The following CLASP1 variants were observed in gnomAD, a reference collection of about 807,000 sequenced individuals.
The protein encoded by CLASP1 is CLIP-associating protein 1.
CLASP1 carries 38 observed loss-of-function variants against 192.3 expected under a neutral mutation model. The ratio of observed to expected loss-of-function variants is 0.20; its 90% CI spans 0.15 to 0.26. The LOEUF (loss-of-function observed/expected upper bound fraction) is 0.26. Among genes scored for constraint, CLASP1 ranks in the 10% least tolerant of loss-of-function variants. The pLI, the probability that CLASP1 is intolerant of heterozygous loss-of-function variation, is 1.00. For missense variants in CLASP1, 1,433 were observed against 1,932.5 expected (o/e 0.74, Z 4.85); for synonymous variants, 691 against 712.8 (o/e 0.97, Z 0.49).
At chr2:121,587,953 A>C (rs2061915838) in intron 2 of CLASP1, among the ~76,000 whole-genome samples, 1 of 151,960 alleles carries the variant, frequency 6.6e-6, no homozygotes, top group South Asian at 2.1e-4. Context: ...CGGGTGCATC[A>C]CCTGAAGTCA....
At chr2:121,643,125 T>C (rs1470889490) in intron 1 of CLASP1, among the ~76,000 whole-genome samples, 1 of 152,226 alleles carries the variant, frequency 6.6e-6, no homozygotes, top group East Asian at 1.9e-4. Flanking sequence ...TGCTATCAGA[T>C]GGCCACAAGG....
intron 1 of CLASP1, among the ~76,000 whole-genome samples, chr2:121,637,982 A>G (rs2071222016): frequency 6.6e-6 from 1 of 152,172 alleles, no homozygotes; most frequent in South Asian, 2.1e-4. Context: ...AGGAGATAAC[A>G]CAAGCAACAA....
At chr2:121,441,343 T>A (rs1455377502) in intron 19 of CLASP1, among the ~76,000 whole-genome samples, 1 of 152,196 alleles carries the variant, frequency 6.6e-6, no homozygotes, top group Non-Finnish European at 1.5e-5. Context: ...AAACCCAGCC[T>A]TTACTCATAC....
intron 24 of CLASP1, chr2:121,409,142 C>A (rs1296334962): frequency 6.8e-6 from 7 of 1,025,200 alleles, no homozygotes; most frequent in Non-Finnish European, 1.0e-5. Context: ...AAGTGTACAG[C>A]AAAACATATC....
intron 2 of CLASP1, among the ~76,000 whole-genome samples, chr2:121,549,729 G>A (rs538667722): frequency 1.8e-5 from 2 of 111,550 alleles, no homozygotes; most frequent in African/African-American, 1.1e-4. Flanking sequence ...AAAAAGGCCT[G>A]GCGTGGTGGC....
At chr2:121,516,131 C>T (rs1252925462) in intron 6 of CLASP1, among the ~76,000 whole-genome samples, 1 of 152,098 alleles carries the variant, frequency 6.6e-6, no homozygotes, top group Non-Finnish European at 1.5e-5. Context: ...ATGTAAAACA[C>T]TCTGGATTTA....
intron 24 of CLASP1, 30 bp from the exon 26 acceptor site, chr2:121,407,745 T>A: frequency 6.2e-7 from 1 of 1,613,370 alleles, no homozygotes; most frequent in Non-Finnish European, 8.5e-7. Flanking sequence ...ATGGGAGTGA[T>A]TGAGGAAGAA....
chr2:121,436,846 A>T (rs2082392054), intron 19 of CLASP1, among the ~76,000 whole-genome samples: 1 of 152,226 alleles, frequency 6.6e-6, no homozygotes, highest in African/African-American at 2.4e-5. Context: ...GTAACTTAAC[A>T]ACTCTGTCAT....
At chr2:121,546,761 T>G (rs527931872) in intron 2 of CLASP1, among the ~76,000 whole-genome samples, 1 of 152,228 alleles carries the variant, frequency 6.6e-6, no homozygotes, top group South Asian at 2.1e-4. Flanking sequence ...CAAAAGGAGC[T>G]GCAATTCCAT....
chr2:121,647,521 T>C (rs1313596681), intron 1 of CLASP1, among the ~76,000 whole-genome samples: 1 of 152,172 alleles, frequency 6.6e-6, no homozygotes, highest in Non-Finnish European at 1.5e-5. Context: ...AAAAAGCAAG[T>C]TCCCATCATC....
At chr2:121,601,272 A>ACT (rs1553652441) in intron 2 of CLASP1, among the ~76,000 whole-genome samples, 1 of 138,422 alleles carries the variant, frequency 7.2e-6, no homozygotes, top group African/African-American at 2.7e-5. Context: ...AGCGTTCAGC[A>ACT]TTTTTTTTTT....
chr2:121,460,858 T>C (rs1012235515), intron 11 of CLASP1, among the ~76,000 whole-genome samples: 1 of 152,198 alleles, frequency 6.6e-6, no homozygotes, highest in African/African-American at 2.4e-5. Context: ...ACTATTACCA[T>C]ACATTCCACA....
chr2:121,357,743 T>C (rs1248899522), intron 37 of CLASP1, among the ~76,000 whole-genome samples: 1 of 152,182 alleles, frequency 6.6e-6, no homozygotes, highest in Non-Finnish European at 1.5e-5. Flanking sequence ...AGGTGGGCTA[T>C]GTTTCTCCAC....
chr2:121,343,489 A>G (rs2063042668), intron 39 of CLASP1, among the ~76,000 whole-genome samples: 1 of 152,244 alleles, frequency 6.6e-6, no homozygotes, highest in African/African-American at 2.4e-5. Flanking sequence ...CAGTCTTGAA[A>G]AGGAAGGAAA....
intron 37 of CLASP1, among the ~76,000 whole-genome samples, chr2:121,355,043 GTT>G (rs1435805050): frequency 6.6e-6 from 1 of 152,148 alleles, no homozygotes; most frequent in Non-Finnish European, 1.5e-5. Context: ...AAAAAAGGCT[GTT>G]TCAGATCTGC....
chr2:121,526,517 T>C (rs970869425), intron 5 of CLASP1, among the ~76,000 whole-genome samples: 2 of 152,174 alleles, frequency 1.3e-5, no homozygotes, highest in Admixed American at 6.5e-5. Flanking sequence ...TACCTTAGCA[T>C]ACATTCCTAA....
At chr2:121,428,731 A>G (rs2080883913) in intron 20 of CLASP1, among the ~76,000 whole-genome samples, 1 of 152,100 alleles carries the variant, frequency 6.6e-6, no homozygotes, top group African/African-American at 2.4e-5. Flanking sequence ...TCCTAAACCT[A>G]CTGAAGTAGA....
intron 8 of CLASP1, among the ~76,000 whole-genome samples, chr2:121,493,781 C>T (rs2093419242): frequency 6.6e-6 from 1 of 151,800 alleles, no homozygotes; most frequent in South Asian, 2.1e-4. Context: ...TAAAAGTAAG[C>T]AAAAGATCTG....
chr2:121,351,890 G>C (rs547559229), intron 37 of CLASP1, among the ~76,000 whole-genome samples: 6 of 152,336 alleles, frequency 3.9e-5, no homozygotes, highest in South Asian at 4.1e-4. Context: ...CAAGCACCTC[G>C]TAAGATTCTT....
Sources: allele counts gnomAD v4.1 joint callset (sites outside exome capture counted in the v4.1 genomes callset), GRCh38; gene constraint gnomAD v4.1.1; transcripts MANE v1.5; gene names NCBI Gene and HGNC (gene_info 2026-07-23, HGNC 2026-07-21).